The following PDS5B variants were observed in gnomAD, a reference collection of about 807,000 sequenced individuals.
PDS5B encodes the protein sister chromatid cohesion protein PDS5 homolog B.
PDS5B carries 51 observed loss-of-function variants against 184.1 expected under a neutral mutation model. That is an observed-to-expected ratio of 0.28 (90% confidence interval 0.22 to 0.35). The LOEUF (loss-of-function observed/expected upper bound fraction) is 0.35, where lower values mean the gene tolerates loss of function less well. PDS5B is among the 10% of genes least tolerant of loss of function. The pLI, the probability that PDS5B is intolerant of heterozygous loss-of-function variation, is 1.00. For synonymous variants in PDS5B, 566 were observed against 569.2 expected, an observed-to-expected ratio of 0.99 and a Z score of 0.08; for missense variants, 1,180 against 1,723.3, an observed-to-expected ratio of 0.68 and a Z score of 5.58.
Position 32,625,110 on chromosome 13 carries a change from G to A in PDS5B, c.-19-23644G>A, listed in dbSNP as rs117837167. 6.6e-4 allele frequency among the ~76,000 whole-genome samples: 101 copies of A among 152,010 alleles called. No individual in the cohort carries two copies. The East Asian group carries it at 0.018, about 27-fold the overall frequency. ...TTAAGCTTTTCCTTTTCATTCATTC[G>A]CTCATTCATTTATTCATTCATTTTG... On this transcript the variant is annotated intron_variant, in intron 1 of 34. Transcript: ENST00000315596.
At chr13:32,666,850 TATAAAA>T (rs1310206587) in intron 6 of PDS5B, among the ~76,000 whole-genome samples, 1 of 151,854 alleles carries the variant, frequency 6.6e-6, no homozygotes, top group East Asian at 1.9e-4. Flanking sequence ...ATGGAGAAAA[TATAAAA>T]ATAAATAAAA....
At chr13:32,714,723 C>G (rs1167457857) in intron 19 of PDS5B, among the ~76,000 whole-genome samples, 1 of 152,194 alleles carries the variant, frequency 6.6e-6, no homozygotes, top group Non-Finnish European at 1.5e-5. Context: ...AAGGTTATCT[C>G]TCTTATTCCC....
intron 21 of PDS5B, 61 bp downstream of exon 21, chr13:32,735,391 C>T: frequency 1.7e-6 from 2 of 1,187,696 alleles, no homozygotes; most frequent in Non-Finnish European, 2.4e-6. Context: ...TTTTATCCAA[C>T]AAGGAAAGAA....
intron 1 of PDS5B, among the ~76,000 whole-genome samples, chr13:32,604,078 G>T (rs1182698669): frequency 6.6e-6 from 1 of 152,114 alleles, no homozygotes; most frequent in Non-Finnish European, 1.5e-5. Flanking sequence ...TCTTTCTCTT[G>T]CCTGATTGCC....
chr13:32,666,348 G>T (rs1349334518), intron 6 of PDS5B, among the ~76,000 whole-genome samples: 5 of 152,066 alleles, frequency 3.3e-5, no homozygotes, highest in Non-Finnish European at 7.4e-5. Context: ...CAAATTGCTG[G>T]GATTACAAGT....
intron 19 of PDS5B, among the ~76,000 whole-genome samples, chr13:32,714,103 T>G (rs1219490473): frequency 6.6e-6 from 1 of 152,116 alleles, no homozygotes; most frequent in Non-Finnish European, 1.5e-5. Flanking sequence ...GGAGGGAGTG[T>G]GTGAATAGGT....
chr13:32,731,355 C>T (rs1042139467), intron 19 of PDS5B, among the ~76,000 whole-genome samples: 2 of 152,060 alleles, frequency 1.3e-5, no homozygotes, highest in African/African-American at 4.8e-5. Context: ...TGAAATAATA[C>T]GATGCATGAA....
chr13:32,773,908 A>G (rs897438200), intron 34 of PDS5B, among the ~76,000 whole-genome samples: 1 of 152,114 alleles, frequency 6.6e-6, no homozygotes, highest in African/African-American at 2.4e-5. Context: ...GATTCAAGCA[A>G]TTCTCCTGCC....
rs548448459 is a variant in PDS5B, at chr13:32,732,086, AT to A, written c.2124-6del. 1.0e-3 allele frequency: 1,646 copies of A among 1,572,232 alleles called. No individual in the cohort carries two copies. Among genetic ancestry groups the A allele is most frequent in the Non-Finnish European group, 1.3e-3 (1,497 of 1,156,394 alleles). On this transcript the variant is annotated splice_polypyrimidine_tract_variant and intron_variant, in intron 19 of 34. Transcript: ENST00000315596. ...TTTTCTGGTTTATTGTTTTTCTTTG[AT>A]TTTTTTTTAATAGAGCCTTGCTTCC... is the stretch of plus-strand genomic sequence containing the variant.
At chr13:32,688,401 C>A in intron 12 of PDS5B, 55 bp from the exon 13 acceptor site, 1 of 833,730 alleles carries the variant, frequency 1.2e-6, no homozygotes, top group Non-Finnish European at 1.9e-6. Flanking sequence ...ATTTTATATA[C>A]AACTTTAGAA....
At chr13:32,600,848 C>A (rs528567175) in intron 1 of PDS5B, among the ~76,000 whole-genome samples, 1 of 152,322 alleles carries the variant, frequency 6.6e-6, no homozygotes, top group African/African-American at 2.4e-5. Flanking sequence ...CTGCTGAGTT[C>A]TTTGAGCTTT....
intron 22 of PDS5B, among the ~76,000 whole-genome samples, chr13:32,741,893 C>T (rs1593576479): frequency 2.0e-5 from 3 of 152,002 alleles, no homozygotes; most frequent in South Asian, 2.1e-4. Flanking sequence ...CTGTTTTTCT[C>T]GGCATTGGTC....
At position 32,659,294 on chromosome 13, in the gene PDS5B, T is replaced by C. The variant is rs1279504745; in HGVS notation, c.624+14T>C. ...CCTGCTCATAAGGTGAGTAGCAATG[T>C]ATACTGTAATGTGTCTAATGCCCGT... On this transcript the variant is annotated intron_variant, in intron 6 of 34. Transcript: ENST00000315596. 6.4e-7 allele frequency: 1 copy of C among 1,552,966 alleles called. No homozygotes were observed. The highest frequency in any genetic ancestry group is 1.3e-5 in the African/African-American group (1 of 74,136).
intron 1 of PDS5B, among the ~76,000 whole-genome samples, chr13:32,634,126 A>G (rs530189643): frequency 6.6e-6 from 1 of 152,320 alleles, no homozygotes; most frequent in Admixed American, 6.5e-5. Context: ...AGATTCCTGC[A>G]GTCTTCCTGT....
intron 22 of PDS5B, 56 bp from the exon 23 acceptor site, chr13:32,742,535 C>T (rs1953595202): frequency 6.9e-7 from 1 of 1,440,008 alleles, no homozygotes; most frequent in African/African-American, 1.4e-5. Context: ...AAAGTTGATA[C>T]AGAAATTCTT....
At chr13:32,618,859 ATACT>A (rs1174126568) in intron 1 of PDS5B, among the ~76,000 whole-genome samples, 4 of 151,964 alleles carry the variant, frequency 2.6e-5, no homozygotes, top group Non-Finnish European at 5.9e-5. Context: ...ACAGGGATTG[ATACT>A]TACTTTTTGC....
intron 19 of PDS5B, among the ~76,000 whole-genome samples, chr13:32,718,155 A>T (rs73452706): frequency 0.39 from 57,295 of 148,314 alleles, 11,366 homozygotes; most frequent in Non-Finnish European, 0.45. Context: ...GGGCTTCTGA[A>T]TTTTTTTTTT....
chr13:32,692,755 T>G (rs1433675590), intron 13 of PDS5B, among the ~76,000 whole-genome samples: 23 of 152,008 alleles, frequency 1.5e-4, no homozygotes, highest in Admixed American at 1.5e-3. Context: ...TAGTATAACT[T>G]TTTTCCCTTT....
Position 32,667,741 on chromosome 13 carries a change from T to C in PDS5B, c.625-23T>C, listed in dbSNP as rs776873760. ...TTTTCATAGTTAGAGATATATAATA[T>C]AGATATTGTTTATGTTTTTCAGAAT... On this transcript the variant is annotated intron_variant, in intron 6 of 34. Transcript: ENST00000315596. 15 of 1,437,392 alleles carry C rather than the reference T, an allele frequency of 1.0e-5. No individual in the cohort carries two copies. In the Admixed American group the frequency reaches 2.2e-4, roughly 21 times the overall value. 89.0% of individuals were successfully genotyped at this position (1,437,392 alleles called of 1,614,324 possible).
Sources: gnomAD v4.1 joint callset for allele counts (sites outside exome capture counted in the v4.1 genomes callset) on GRCh38, gnomAD v4.1.1 for gene constraint, MANE v1.5 for transcripts, NCBI Gene and HGNC (gene_info 2026-07-23, HGNC 2026-07-21) for gene names.